Variants in GULP1 observed in about 807,000 individuals in gnomAD.
GULP1 encodes the protein GULP PTB domain containing engulfment adaptor 1.
In GULP1, 19 loss-of-function variants were observed where a neutral mutation model predicts 40.9. That is an observed-to-expected ratio of 0.46 (90% confidence interval 0.32 to 0.68). GULP1 has a LOEUF of 0.68. Among genes scored for constraint, GULP1 ranks in the 30% least tolerant of loss-of-function variants. The probability of loss-of-function intolerance (pLI) is 0.03; values close to 1 mark genes in which losing one functional copy is unlikely to be tolerated. For missense variants in GULP1, 312 were observed against 362.2 expected (o/e 0.86, Z 1.12); for synonymous variants, 119 against 117.6 (o/e 1.01, Z -0.08).
At chr2:188,450,007 C>G (rs1404352401) in intron 2 of GULP1, among the ~76,000 whole-genome samples, 1 of 152,266 alleles carries the variant, frequency 6.6e-6, no homozygotes, top group South Asian at 2.1e-4. Flanking sequence ...TATTCTAAAT[C>G]TAACCAAATG....
intron 10 of GULP1, among the ~76,000 whole-genome samples, chr2:188,585,924 A>G (rs995393992): frequency 6.6e-6 from 1 of 152,110 alleles, no homozygotes; most frequent in Non-Finnish European, 1.5e-5. Context: ...ATATTTTCCA[A>G]ACTTTTTGCT....
chr2:188,583,934 C>A (rs1367691698), intron 9 of GULP1, among the ~76,000 whole-genome samples: 1 of 152,166 alleles, frequency 6.6e-6, no homozygotes, highest in Non-Finnish European at 1.5e-5. Context: ...ATATCTAATT[C>A]TCTGTTACAA....
intron 1 of GULP1, among the ~76,000 whole-genome samples, chr2:188,328,872 C>T (rs1170831204): frequency 3.3e-5 from 5 of 152,106 alleles, no homozygotes; most frequent in African/African-American, 4.8e-5. Flanking sequence ...ACATTTAATA[C>T]TATCTTGCCT....
chr2:188,376,919 A>G (rs2152472154), intron 1 of GULP1, among the ~76,000 whole-genome samples: 1 of 152,340 alleles, frequency 6.6e-6, no homozygotes, highest in Non-Finnish European at 1.5e-5. Flanking sequence ...CATGCCTGTA[A>G]TCCCAGCACT....
chr2:188,384,518 C>T (rs1307645099), intron 2 of GULP1, among the ~76,000 whole-genome samples: 1 of 152,158 alleles, frequency 6.6e-6, no homozygotes, highest in Non-Finnish European at 1.5e-5. Context: ...CATTCCATCC[C>T]TGGCCCCTCT....
chr2:188,475,094 G>A (rs1298924628), intron 2 of GULP1, among the ~76,000 whole-genome samples: 1 of 152,076 alleles, frequency 6.6e-6, no homozygotes, highest in Admixed American at 6.6e-5. Flanking sequence ...TATTATACAC[G>A]TTGGGGTACT....
intron 11 of GULP1, chr2:188,589,132 G>A (rs991839406): frequency 6.6e-6 from 1 of 152,014 alleles, no homozygotes; most frequent in Non-Finnish European, 1.5e-5. Flanking sequence ...TAAACAACTT[G>A]TCCTTATGGT....
chr2:188,459,268 C>T (rs1037338948), intron 2 of GULP1, among the ~76,000 whole-genome samples: 2 of 152,068 alleles, frequency 1.3e-5, no homozygotes, highest in Non-Finnish European at 2.9e-5. Flanking sequence ...GAGGAACTTC[C>T]AAACTGTTCT....
intron 1 of GULP1, among the ~76,000 whole-genome samples, chr2:188,358,887 A>G (rs1156497198): frequency 2.0e-5 from 3 of 152,154 alleles, no homozygotes; most frequent in Admixed American, 1.3e-4. Context: ...ATATTAAGTA[A>G]TTGACACATT....
chr2:188,467,396 C>T (rs1301522410), intron 2 of GULP1, among the ~76,000 whole-genome samples: 1 of 152,074 alleles, frequency 6.6e-6, no homozygotes, highest in Non-Finnish European at 1.5e-5. Context: ...ATTCTCTGAA[C>T]TTTCTCTCCA....
At chr2:188,312,197 T>TA (rs541779463) in intron 1 of GULP1, among the ~76,000 whole-genome samples, 140 of 151,044 alleles carry the variant, frequency 9.3e-4, no homozygotes, top group African/African-American at 1.2e-3. Flanking sequence ...TAATTTCTCC[T>TA]AAAAAAAAAC....
chr2:188,415,759 A>G (rs1299463669), intron 2 of GULP1, among the ~76,000 whole-genome samples: 23 of 152,196 alleles, frequency 1.5e-4, no homozygotes, highest in Admixed American at 1.5e-3. Context: ...GAAAACACAT[A>G]CTAATTGAGT....
rs949179112 is a variant in GULP1 at position 188,559,294 on chromosome 2, G to A, written c.400-9945G>A. Among the ~76,000 whole-genome samples the A allele has an allele frequency of 2.6e-5, 4 of 152,230 alleles. No homozygotes were observed. The South Asian group carries it at 8.3e-4, about 31-fold the overall frequency. On this transcript the variant is annotated intron_variant, in intron 7 of 11. Coordinates refer to ENST00000409830, the MANE Select transcript of GULP1 (RefSeq NM_016315.4). ...GGGTAGAGCTCAGGCTATGGTTTCA[G>A]AGAGTGCAAGCCCCAAGCCTTGGCA...
chr2:188,292,606 G>A lies in GULP1; in HGVS notation c.-172+440G>A, dbSNP rs2034014744. Among the ~76,000 whole-genome samples the A allele has an allele frequency of 6.6e-6, 1 of 152,160 alleles. No individual in the cohort carries two copies. Among genetic ancestry groups the A allele is most frequent in the Admixed American group, 6.5e-5 (1 of 15,284 alleles). ...GAGGGTGCGTGGATCAGACTGGGCT[G>A]AGCAGGCAAGTCATCGTCGGGTCAC... On this transcript the variant is annotated intron_variant, in intron 1 of 11. Transcript: ENST00000409830. This position sits in a 1 kb window ranked among gnomAD's most constrained non-coding sequence, Gnocchi z 4.0.
chr2:188,433,995 C>G (rs897698837), intron 2 of GULP1, among the ~76,000 whole-genome samples: 2 of 151,100 alleles, frequency 1.3e-5, no homozygotes, highest in African/African-American at 4.9e-5. Context: ...ATTCCCCCCA[C>G]TTTTTTTTAA....
At chr2:188,527,489 A>G (rs1317863069) in intron 5 of GULP1, among the ~76,000 whole-genome samples, 1 of 152,206 alleles carries the variant, frequency 6.6e-6, no homozygotes, top group East Asian at 1.9e-4. Flanking sequence ...AAGGGAAAAT[A>G]AACAAAATTA....
chr2:188,361,922 T>C (rs1426915065), intron 1 of GULP1, among the ~76,000 whole-genome samples: 2 of 152,120 alleles, frequency 1.3e-5, no homozygotes, highest in Non-Finnish European at 2.9e-5. Context: ...TTGCCTGCTT[T>C]TCCAAATTTA....
chr2:188,312,670 G>A (rs187215244), intron 1 of GULP1, among the ~76,000 whole-genome samples: 1 of 152,250 alleles, frequency 6.6e-6, no homozygotes, highest in Admixed American at 6.5e-5. Context: ...CCGGTAATGG[G>A]ATTGCTGGGT....
intron 1 of GULP1, among the ~76,000 whole-genome samples, chr2:188,360,497 TAGAA>T (rs2045939692): frequency 1.3e-5 from 2 of 152,240 alleles, no homozygotes; most frequent in South Asian, 2.1e-4. Flanking sequence ...CATCAAATCA[TAGAA>T]AGCCCTTTGG....
Sources: allele counts gnomAD v4.1 joint callset (sites outside exome capture counted in the v4.1 genomes callset), GRCh38; gene constraint gnomAD v4.1.1; non-coding constraint Gnocchi (gnomAD v3.1); transcripts MANE v1.5; gene names NCBI Gene and HGNC (gene_info 2026-07-23, HGNC 2026-07-21).